CRYBA1: variants seen among roughly 807,000 people sequenced by gnomAD.
The protein encoded by CRYBA1 is crystallin beta A1.
CRYBA1 carries 25 observed loss-of-function variants against 36.2 expected under a neutral mutation model. The ratio of observed to expected loss-of-function variants is 0.69; its 90% CI spans 0.50 to 0.97. CRYBA1 has a LOEUF of 0.97. Among genes scored for constraint, CRYBA1 ranks in the 50% least tolerant of loss-of-function variants. The pLI is 0.00. For synonymous variants in CRYBA1, 111 were observed against 90.0 expected (o/e 1.23, Z -1.32); for missense variants, 224 against 276.3 (o/e 0.81, Z 1.34).
chr17:29,252,010 C>T lies in CRYBA1; in HGVS notation c.216-54C>T. On this transcript the variant is annotated intron_variant, in intron 3 of 5. Coordinates refer to ENST00000225387, the MANE Select transcript of CRYBA1 (RefSeq NM_005208.5). ...ATCTAAAACGAAAGATGCCTTCTCC[C>T]CAAGGCCATATAGGCTTTGAACACC... The T allele has an allele frequency of 9.3e-6, 15 of 1,612,880 alleles. 1 individual carries two copies. In the South Asian group the frequency reaches 1.5e-4, roughly 17 times the overall value.
intron 4 of CRYBA1, 86 bp from the exon 5 acceptor site, chr17:29,253,554 C>A: frequency 8.7e-7 from 1 of 1,143,238 alleles, no homozygotes; most frequent in Non-Finnish European, 1.3e-6. Context: ...CTTGTATAAT[C>A]CAAAAGTGTT....
chr17:29,249,874 A>G (rs1345272083), intron 2 of CRYBA1, among the ~76,000 whole-genome samples: 1 of 151,364 alleles, frequency 6.6e-6, no homozygotes, highest in African/African-American at 2.4e-5. Flanking sequence ...TTATGAAGGA[A>G]CTGTGGTGGA....
Position 29,250,189 on chromosome 17 carries a change from T to C in CRYBA1, c.104T>C (p.Ile35Thr), listed in dbSNP as rs1225164474. The C allele has an allele frequency of 6.4e-7, 1 of 1,568,716 alleles. No individual in the cohort carries two copies. Among genetic ancestry groups the C allele is most frequent in the South Asian group, 1.1e-5 (1 of 90,146 alleles). Residue 35 changes from isoleucine to threonine, a missense_variant, in exon 3 of 6, where the codon ATC becomes ACC. Coordinates refer to ENST00000225387, the MANE Select transcript of CRYBA1 (RefSeq NM_005208.5). ...CATTCAATCTCATTTCAGATAACCA[T>C]CTATGATCAGGAGAACTTTCAGGGC... The part of the protein sequence containing the change: ...PGSLGPWKIT[I>T]YDQENFQGKR...
chr17:29,250,316 C>A lies in CRYBA1; in HGVS notation c.215+16C>A. On this transcript the variant is annotated intron_variant, in intron 3 of 5. Transcript: ENST00000225387. ...AAAGTGGCGCGTGAGTATGGACTTC[C>A]GCAGAACCGCAGCCCCTTATTTCAG... 1 of 1,374,852 alleles carries A rather than the reference C, an allele frequency of 7.3e-7. No individual in the cohort carries two copies. Among genetic ancestry groups the A allele is most frequent in the Non-Finnish European group, 1.0e-6 (1 of 961,262 alleles). 85.2% of individuals were successfully genotyped at this position (1,374,852 alleles called of 1,614,324 possible). A position where few individuals can be genotyped will look rare whatever the true frequency, so the allele number is the denominator to read the frequency against.
intron 3 of CRYBA1, among the ~76,000 whole-genome samples, chr17:29,251,655 G>A (rs2068936052): frequency 6.6e-6 from 1 of 152,042 alleles, no homozygotes; most frequent in Non-Finnish European, 1.5e-5. Flanking sequence ...GCTAATTTTT[G>A]AGTTTTGTAG....
At chr17:29,249,750 G>C (rs76952595) in intron 2 of CRYBA1, among the ~76,000 whole-genome samples, 36 of 152,122 alleles carry the variant, frequency 2.4e-4, no homozygotes, top group South Asian at 6.2e-4. Flanking sequence ...GTACAAAAAG[G>C]GTTGACCATA....
intron 5 of CRYBA1, 88 bp downstream of exon 5, chr17:29,253,870 T>C: frequency 6.9e-7 from 1 of 1,454,284 alleles, no homozygotes; most frequent in Non-Finnish European, 9.5e-7. Context: ...TTCATACGTA[T>C]CGGTATAGAT....
In CRYBA1 at chr17:29,254,266, G is replaced by A. The variant is rs771182209; in HGVS notation, c.565G>A (p.Gly189Arg). 5.0e-6 allele frequency: 8 copies of A among 1,614,004 alleles called. No homozygotes were observed. In the South Asian group the frequency reaches 7.7e-5, roughly 16 times the overall value. ...GTATATCTTGGAATGTGACCATCAT[G>A]GAGGAGACTATAAACATTGGAGAGA... Reference protein sequence around the residue: ...YQYILECDHHGGDYKHWREWG... With the variant: ...YQYILECDHHRGDYKHWREWG... The change falls in exon 6 of 6, where the codon GGA becomes AGA. Residue 189 changes from glycine to arginine, a missense_variant. Coordinates refer to ENST00000225387, the MANE Select transcript of CRYBA1 (RefSeq NM_005208.5).
At chr17:29,247,945 C>T (rs933556281) in intron 1 of CRYBA1, among the ~76,000 whole-genome samples, 4 of 152,020 alleles carry the variant, frequency 2.6e-5, no homozygotes, top group Admixed American at 1.3e-4. Context: ...GGAGAAACCC[C>T]GTCTCTACTA....
At chr17:29,253,871 C>A in intron 5 of CRYBA1, 89 bp downstream of exon 5, 1 of 1,448,824 alleles carries the variant, frequency 6.9e-7, no homozygotes, top group Non-Finnish European at 9.5e-7. Context: ...TCATACGTAT[C>A]GGTATAGATG....
At chr17:29,250,376 G>C in intron 3 of CRYBA1, 76 bp downstream of exon 3, 1 of 859,218 alleles carries the variant, frequency 1.2e-6, no homozygotes, top group South Asian at 1.3e-5. Context: ...AGTGGGGATA[G>C]GGGAAGAAGG....
Position 29,253,769 on chromosome 17 carries a change from A to T in CRYBA1, c.487A>T (p.Ile163Leu), listed in dbSNP as rs1201378226. The change falls in exon 5 of 6, where the codon ATA becomes TTA. Residue 163 changes from isoleucine (I) to leucine (L), a missense_variant. Physicochemically the swap from Ile to Leu is conservative, Grantham distance 5. Transcript: ENST00000225387. ...CAACAACGAAGTCGGCTCCATGAAG[A>T]TACAAAGTGGGGCGTAAGTACAAAA... Reference protein sequence around the residue: ...WFNNEVGSMKIQSGAWVCYQY... With the variant: ...WFNNEVGSMKLQSGAWVCYQY... 6.2e-7 allele frequency: 1 copy of T among 1,614,094 alleles called. No individual in the cohort carries two copies. Among genetic ancestry groups the T allele is most frequent in the Non-Finnish European group, 8.5e-7 (1 of 1,180,046 alleles).
At chr17:29,247,587 C>G (rs1163678653) in intron 1 of CRYBA1, among the ~76,000 whole-genome samples, 2 of 152,152 alleles carry the variant, frequency 1.3e-5, no homozygotes, top group Non-Finnish European at 2.9e-5. Context: ...AAGTCTTTTT[C>G]AATGTCCCCC....
intron 3 of CRYBA1, among the ~76,000 whole-genome samples, chr17:29,250,763 C>G (rs2068931095): frequency 6.6e-6 from 1 of 152,046 alleles, no homozygotes; most frequent in African/African-American, 2.4e-5. Context: ...AAAACCTTAA[C>G]CCCACGACTC....
chr17:29,254,263 C>T lies in CRYBA1; in HGVS notation c.562C>T (p.His188Tyr). ...GYQYILECDH[H>Y]GGDYKHWREW... Reference sequence around the variant, plus strand: ...TCAGTATATCTTGGAATGTGACCATCATGGAGGAGACTATAAACATTGGAG... The same window carrying T: ...TCAGTATATCTTGGAATGTGACCATTATGGAGGAGACTATAAACATTGGAG... The change falls in exon 6 of 6, where the codon CAT becomes TAT. Residue 188 changes from histidine to tyrosine, a missense_variant. By Grantham distance (83) the His-to-Tyr change is moderately conservative (BLOSUM62 2). Transcript: ENST00000225387. 1 of 1,614,116 alleles carries T rather than the reference C, an allele frequency of 6.2e-7. No individual in the cohort carries two copies. Among genetic ancestry groups the T allele is most frequent in the Non-Finnish European group, 8.5e-7 (1 of 1,179,992 alleles).
intron 1 of CRYBA1, among the ~76,000 whole-genome samples, chr17:29,248,118 A>G (rs113328771): frequency 2.1e-3 from 311 of 147,520 alleles, no homozygotes; most frequent in African/African-American, 7.3e-3. Flanking sequence ...CTCTATCTCA[A>G]AAAAAAAAAA....
intron 3 of CRYBA1, among the ~76,000 whole-genome samples, chr17:29,250,754 A>C (rs1480819466): frequency 2.0e-5 from 3 of 152,066 alleles, no homozygotes; most frequent in African/African-American, 2.4e-5. Flanking sequence ...ATGAAAAAAA[A>C]AACCTTAACC....
intron 1 of CRYBA1, 51 bp from the exon 2 acceptor site, chr17:29,249,091 C>T (rs1306798771): frequency 8.2e-7 from 1 of 1,219,188 alleles, no homozygotes; most frequent in Non-Finnish European, 1.2e-6. Flanking sequence ...ATTCCCTCAC[C>T]TCCCCCTCCT....
intron 3 of CRYBA1, among the ~76,000 whole-genome samples, chr17:29,251,756 G>A (rs1274136373): frequency 1.3e-5 from 2 of 152,174 alleles, no homozygotes; most frequent in South Asian, 2.1e-4. Flanking sequence ...TGGAACTACA[G>A]GCGTGAGACA....
Sources: allele counts gnomAD v4.1 joint callset (sites outside exome capture counted in the v4.1 genomes callset), GRCh38; gene constraint gnomAD v4.1.1; transcripts MANE v1.5; gene names NCBI Gene and HGNC (gene_info 2026-07-23, HGNC 2026-07-21).